TENM2: variants seen among roughly 807,000 people sequenced by gnomAD.
TENM2 encodes the protein teneurin-2.
Under a neutral mutation model 245.2 loss-of-function variants are expected in TENM2, and 52 were observed. The ratio of observed to expected loss-of-function variants is 0.21; its 90% CI spans 0.17 to 0.27. TENM2 has a LOEUF of 0.27. TENM2 is among the 10% of genes least tolerant of loss of function. The pLI is 1.00. For missense variants in TENM2, 3,046 were observed against 3,666.8 expected (o/e 0.83, Z 4.37); for synonymous variants, 1,363 against 1,438.9 (o/e 0.95, Z 1.19).
chr5:167,055,605 C>T, the TENM2 span, among the ~76,000 whole-genome samples: 1 of 152,012 alleles, frequency 6.6e-6, no homozygotes, highest in African/African-American at 2.4e-5. Flanking sequence ...TGTAATTTTC[C>T]TCACATAGAT....
Position 168,219,824 on chromosome 5 carries a change from C to CAAAAAAAAAAAAA in TENM2, c.5108+838_5108+850dup, listed in dbSNP as rs70976468. Reference sequence around the variant, plus strand: ...GTTAAGTTAGGGAGAGTTGGCACAGCAAAAAAAAAAAAAAAAAAAAAAAAA... The same window carrying CAAAAAAAAAAAAA: ...GTTAAGTTAGGGAGAGTTGGCACAGCAAAAAAAAAAAAAAAAAAAAAAAAAAAAAAAAAAAAAA... On this transcript the variant is annotated intron_variant, in intron 23 of 28. Coordinates refer to ENST00000518659, the Ensembl canonical transcript of TENM2. 4.6e-4 allele frequency among the ~76,000 whole-genome samples: 23 copies of CAAAAAAAAAAAAA among 49,818 alleles called. 3 individuals are homozygous for CAAAAAAAAAAAAA. The highest frequency in any genetic ancestry group is 2.0e-3 in the African/African-American group (22 of 11,106). The allele number at this position is 49,818 out of a possible 152,430, so 32.7% of individuals were successfully genotyped here.
At chr5:167,643,565 A>G (rs1779742581) in intron 2 of TENM2, among the ~76,000 whole-genome samples, 1 of 152,232 alleles carries the variant, frequency 6.6e-6, no homozygotes, top group Non-Finnish European at 1.5e-5. Flanking sequence ...GAAGGGTAAC[A>G]CATTTCCAGT....
the TENM2 span, among the ~76,000 whole-genome samples, chr5:167,056,061 T>C: frequency 1.3e-5 from 2 of 152,012 alleles, no homozygotes; most frequent in East Asian, 3.8e-4. Context: ...AGATGTTCTT[T>C]ATCAAGCTGA....
Position 168,226,362 on chromosome 5 carries a change from A to G in TENM2, c.5284+99A>G, listed in dbSNP as rs1764184782. ...AGTTATGCAGCCTGGGAGGACTTCC[A>G]GAGACCCAGCGTACCCCTAGCTTTC... On this transcript the variant is annotated intron_variant, in intron 24 of 28. Coordinates refer to ENST00000518659, the Ensembl canonical transcript of TENM2. The G allele has an allele frequency of 2.4e-5, 25 of 1,056,342 alleles. No homozygotes were observed. In the East Asian group the frequency reaches 5.4e-4, roughly 23 times the overall value. 65.4% of individuals were successfully genotyped at this position (1,056,342 alleles called of 1,614,324 possible).
At chr5:168,096,242 G>A (rs1482176049) in intron 8 of TENM2, among the ~76,000 whole-genome samples, 1 of 152,214 alleles carries the variant, frequency 6.6e-6, no homozygotes, top group Non-Finnish European at 1.5e-5. Context: ...CAGACCCAGG[G>A]AGAATGATCT....
exon 29 of TENM2, chr5:168,262,777 G>C: frequency 6.2e-7 from 1 of 1,608,756 alleles, no homozygotes. Flanking sequence ...GCAACATCCA[G>C]TTTTTAAGAC....
At chr5:168,019,170 G>A (rs890831009) in intron 5 of TENM2, among the ~76,000 whole-genome samples, 6 of 152,292 alleles carry the variant, frequency 3.9e-5, no homozygotes, top group Non-Finnish European at 7.4e-5. Context: ...TAACACTGGA[G>A]CAAAAAGTAT....
chr5:168,173,130 G>A (rs1024677507), intron 13 of TENM2, among the ~76,000 whole-genome samples: 1 of 152,124 alleles, frequency 6.6e-6, no homozygotes, highest in African/African-American at 2.4e-5. Flanking sequence ...GTGCACTGAG[G>A]CACACTACCT....
chr5:167,420,173 C>T (rs1236454272), intron 2 of TENM2, among the ~76,000 whole-genome samples: 1 of 152,142 alleles, frequency 6.6e-6, no homozygotes, highest in East Asian at 1.9e-4. Context: ...AAGCACGTGT[C>T]CGTGAAAAGT....
chr5:167,268,074 C>T, the TENM2 span, among the ~76,000 whole-genome samples: 1 of 152,070 alleles, frequency 6.6e-6, no homozygotes, highest in African/African-American at 2.4e-5. Context: ...AAAACTTGAA[C>T]TATCAACATT....
chr5:167,814,481 GAAAA>G (rs964747627), intron 2 of TENM2, among the ~76,000 whole-genome samples: 3 of 147,206 alleles, frequency 2.0e-5, no homozygotes, highest in South Asian at 2.2e-4. Flanking sequence ...AAAAAGAAAA[GAAAA>G]AGAAAGAAAA....
chr5:167,329,629 G>A (rs1259131375), intron 1 of TENM2, among the ~76,000 whole-genome samples: 1 of 150,060 alleles, frequency 6.7e-6, no homozygotes, highest in African/African-American at 2.4e-5. Flanking sequence ...TGGAAATGGT[G>A]TGCAGCAAGG....
At chr5:168,081,214 T>A (rs1005694108) in intron 7 of TENM2, among the ~76,000 whole-genome samples, 3 of 152,194 alleles carry the variant, frequency 2.0e-5, no homozygotes, top group African/African-American at 7.2e-5. Context: ...TTGATCTTTG[T>A]TGGTTTAAAG....
Position 168,126,669 on chromosome 5 carries a change from G to C in TENM2, c.2210-85G>C, listed in dbSNP as rs1444598817. The C allele has an allele frequency of 2.1e-5, 24 of 1,144,284 alleles. No individual in the cohort carries two copies. The East Asian group carries it at 6.0e-4, about 28-fold the overall frequency. 70.9% of individuals were successfully genotyped at this position (1,144,284 alleles called of 1,614,324 possible). Reference sequence around the variant, plus strand: ...TGCTGGGCCTCGGGGCCTGCTCCAGGGGTCTGGGCCATGTGCGTGGTCTGG... The same window carrying C: ...TGCTGGGCCTCGGGGCCTGCTCCAGCGGTCTGGGCCATGTGCGTGGTCTGG... On this transcript the variant is annotated intron_variant, in intron 11 of 28. Coordinates refer to ENST00000518659, the Ensembl canonical transcript of TENM2.
intron 2 of TENM2, among the ~76,000 whole-genome samples, chr5:167,496,156 T>C (rs2127549890): frequency 6.6e-6 from 1 of 152,150 alleles, no homozygotes; most frequent in African/African-American, 2.4e-5. Context: ...CAGGGTAGTG[T>C]TGTAATTTGG....
intron 2 of TENM2, among the ~76,000 whole-genome samples, chr5:167,431,914 G>T (rs1170080655): frequency 8.0e-5 from 8 of 100,110 alleles, no homozygotes; most frequent in Non-Finnish European, 1.4e-4. Flanking sequence ...TCCAAGGTGT[G>T]ATATATATAT....
At chr5:167,046,581 C>A in the TENM2 span, among the ~76,000 whole-genome samples, 1 of 152,132 alleles carries the variant, frequency 6.6e-6, no homozygotes, top group South Asian at 2.1e-4. Context: ...TTCTCACTAC[C>A]AGCAACCACA....
the TENM2 span, among the ~76,000 whole-genome samples, chr5:167,225,765 TA>T: frequency 6.6e-6 from 1 of 152,096 alleles, no homozygotes; most frequent in Admixed American, 6.6e-5. Flanking sequence ...ATTCATTTGG[TA>T]GAATTCATTA....
chr5:167,065,082 A>T, the TENM2 span, among the ~76,000 whole-genome samples: 1 of 152,004 alleles, frequency 6.6e-6, no homozygotes, highest in Non-Finnish European at 1.5e-5. Flanking sequence ...AGTAAATTTT[A>T]TTTTTTTATT....
Sources: gnomAD v4.1 joint callset for allele counts (sites outside exome capture counted in the v4.1 genomes callset) on GRCh38, gnomAD v4.1.1 for gene constraint, MANE v1.5 for transcripts, NCBI Gene and HGNC (gene_info 2026-07-23, HGNC 2026-07-21) for gene names.